The following WASHC4 variants were observed in gnomAD, a reference collection of about 807,000 sequenced individuals.
WASHC4 encodes WASH complex subunit 7.
A neutral mutation model predicts 166.6 loss-of-function variants in WASHC4; 86 were observed. The ratio of observed to expected loss-of-function variants is 0.52; its 90% CI spans 0.43 to 0.62. The LOEUF is 0.62. Ranked by LOEUF, WASHC4 falls within the 20% of genes least tolerant of loss-of-function variation. The probability of loss-of-function intolerance (pLI) is 0.00; values close to 1 mark genes in which losing one functional copy is unlikely to be tolerated. For missense variants in WASHC4, 1,262 were observed against 1,382.4 expected (o/e 0.91, Z 1.38); for synonymous variants, 446 against 451.6 (o/e 0.99, Z 0.16).
intron 12 of WASHC4, among the ~76,000 whole-genome samples, chr12:105,126,783 C>A (rs1418819065): frequency 6.6e-6 from 1 of 151,900 alleles, no homozygotes; most frequent in African/African-American, 2.4e-5. Context: ...GATAACCCAG[C>A]CAATTTTTTA....
intron 18 of WASHC4, among the ~76,000 whole-genome samples, chr12:105,142,030 TA>T (rs143083952): frequency 0.073 from 9,642 of 131,646 alleles, 446 homozygotes; most frequent in Middle Eastern, 0.17. Flanking sequence ...TTTTTTTTTT[TA>T]AAAGATTTTT....
Position 105,133,825 on chromosome 12 carries a change from A to G in WASHC4, c.1255A>G (p.Ile419Val), listed in dbSNP as rs373815418. 1.4e-5 allele frequency: 22 copies of G among 1,611,902 alleles called. No homozygotes were observed. Among genetic ancestry groups the G allele is most frequent in the East Asian group, 2.2e-5 (1 of 44,718 alleles). Residue 419 changes from isoleucine (I) to valine (V), a missense_variant, in exon 14 of 33, where the codon ATT becomes GTT. Transcript: ENST00000332180. ...CTCATGGATGATGAAAATGGAATCT[A>G]TTTTGTCTAAAGAGCAGAGAATGGA... Reference protein sequence around the residue: ...VSSWMMKMESILSKEQRMDKF... With the variant: ...VSSWMMKMESVLSKEQRMDKF...
chr12:105,131,148 G>A (rs1309132281), intron 13 of WASHC4, among the ~76,000 whole-genome samples: 2 of 150,460 alleles, frequency 1.3e-5, no homozygotes, highest in East Asian at 1.9e-4. Context: ...CTGCAGTGGC[G>A]CAATCTCGGC....
intron 23 of WASHC4, 121 bp downstream of exon 23, chr12:105,146,647 G>T: frequency 1.5e-6 from 1 of 668,544 alleles, no homozygotes; most frequent in Non-Finnish European, 2.7e-6. Context: ...TTGTTTTCGA[G>T]GCCTTGTTTA....
At chr12:105,144,540 A>G (rs1883139275) in intron 21 of WASHC4, 85 bp downstream of exon 21, 1 of 1,286,626 alleles carries the variant, frequency 7.8e-7, no homozygotes, top group South Asian at 1.3e-5. Flanking sequence ...TTGAGGGTAT[A>G]TTTAAATTTT....
intron 23 of WASHC4, 83 bp downstream of exon 23, chr12:105,146,609 G>A (rs542941236): frequency 1.3e-6 from 1 of 772,664 alleles, no homozygotes; most frequent in East Asian, 2.5e-5. Flanking sequence ...GATTTTTATG[G>A]GTGAAAATTA....
chr12:105,115,090 T>C, intron 4 of WASHC4, 94 bp from the exon 5 acceptor site: 1 of 666,730 alleles, frequency 1.5e-6, no homozygotes, highest in Non-Finnish European at 2.7e-6. Context: ...GATGTAGCCC[T>C]CTGTTTATTA....
Position 105,164,125 on chromosome 12 carries a change from C to T in WASHC4, c.3172C>T (p.Leu1058=). The stretch of plus-strand genomic sequence containing the variant: ...TATGCCTGCAGGTGTGGCTTACATT[C>T]TAAAGCTTTTGGATCAGTATCGGGA... ...DGFAMGVAYI[L]KLLDQYREFD... Residue 1058 remains leucine, a synonymous_variant, in exon 31 of 33, where the codon CTA becomes TTA. Transcript: ENST00000332180. 1.2e-6 allele frequency: 2 copies of T among 1,614,126 alleles called. No individual in the cohort carries two copies. The highest frequency in any genetic ancestry group is 2.2e-5 in the East Asian group (1 of 44,866).
intron 6 of WASHC4, among the ~76,000 whole-genome samples, chr12:105,116,355 A>T (rs1017821187): frequency 6.6e-6 from 1 of 152,180 alleles, no homozygotes; most frequent in Non-Finnish European, 1.5e-5. Flanking sequence ...ATGCTAACAT[A>T]CTGTTCAAAT....
In WASHC4 at chr12:105,115,165, A is replaced by T; in HGVS notation, c.322-19A>T. On this transcript the variant is annotated intron_variant, in intron 4 of 32. Coordinates refer to ENST00000332180, the MANE Select transcript of WASHC4 (RefSeq NM_015275.3). ...CAAAACAACCTTTAAAATTATTTTA[A>T]TTTTTTTCTTAAAAACAGGCTGAAA... is the stretch of plus-strand genomic sequence containing the variant. 7.4e-7 allele frequency: 1 copy of T among 1,342,568 alleles called. No individual in the cohort carries two copies. Among genetic ancestry groups the T allele is most frequent in the Non-Finnish European group, 1.1e-6 (1 of 935,434 alleles). 83.2% of individuals were successfully genotyped at this position (1,342,568 alleles called of 1,614,324 possible). A position where few individuals can be genotyped will look rare whatever the true frequency, so the allele number is the denominator to read the frequency against.
In WASHC4 at chr12:105,144,288, A is replaced by G. The variant is rs771843889; in HGVS notation, c.2012A>G (p.His671Arg). ...DKEIMEILNE[H>R]LLDKLCKEIE... Reference sequence around the variant, plus strand: ...AAGTATCAAATCTTTTGTGAATAGCATTTGCTGGACAAATTATGCAAAGAA... The same window carrying G: ...AAGTATCAAATCTTTTGTGAATAGCGTTTGCTGGACAAATTATGCAAAGAA... Residue 671 changes from histidine to arginine, a missense_variant and splice_region_variant, in exon 21 of 33, where the codon CAT becomes CGT. Coordinates refer to ENST00000332180, the MANE Select transcript of WASHC4 (RefSeq NM_015275.3). 1.9e-6 allele frequency: 3 copies of G among 1,611,332 alleles called. No individual in the cohort carries two copies. The highest frequency in any genetic ancestry group is 1.1e-5 in the South Asian group (1 of 90,732).
At chr12:105,123,442 A>G (rs1333552576) in intron 10 of WASHC4, among the ~76,000 whole-genome samples, 2 of 152,258 alleles carry the variant, frequency 1.3e-5, no homozygotes, top group Non-Finnish European at 2.9e-5. Context: ...GATGATAAGA[A>G]AGTGAAACAG....
At chr12:105,143,028 A>G (rs1358743151) in intron 19 of WASHC4, 99 bp from the exon 20 acceptor site, 11 of 754,776 alleles carry the variant, frequency 1.5e-5, no homozygotes, top group East Asian at 2.6e-5. Flanking sequence ...TTTCCTTCAG[A>G]TCGAGGTTTT....
chr12:105,165,507 G>A (rs555130799), intron 32 of WASHC4, among the ~76,000 whole-genome samples: 4 of 152,098 alleles, frequency 2.6e-5, no homozygotes, highest in South Asian at 4.2e-4. Flanking sequence ...TAGATACAGC[G>A]ACTAGTTAAC....
chr12:105,161,708 A>G (rs1884507240), intron 29 of WASHC4, among the ~76,000 whole-genome samples: 1 of 152,270 alleles, frequency 6.6e-6, no homozygotes, highest in Admixed American at 6.5e-5. Context: ...TTGATAAAAA[A>G]TTCACAAACA....
At chr12:105,143,384 C>T in intron 20 of WASHC4, 141 bp downstream of exon 20, 1 of 610,102 alleles carries the variant, frequency 1.6e-6, no homozygotes, top group Non-Finnish European at 3.0e-6. Context: ...TTTTTAGTTA[C>T]AATATCACTG....
intron 20 of WASHC4, 93 bp from the exon 21 acceptor site, chr12:105,144,194 C>T: frequency 9.5e-7 from 1 of 1,056,750 alleles, no homozygotes; most frequent in Non-Finnish European, 1.4e-6. Context: ...GACCAAAAAA[C>T]TATTGGTTTA....
intron 2 of WASHC4, among the ~76,000 whole-genome samples, chr12:105,112,198 G>A (rs1427528858): frequency 6.6e-6 from 1 of 152,058 alleles, no homozygotes; most frequent in Non-Finnish European, 1.5e-5. Context: ...TGTTTTCAAG[G>A]CTCATCTATG....
intron 2 of WASHC4, among the ~76,000 whole-genome samples, chr12:105,114,013 C>T (rs141724660): frequency 7.7e-4 from 117 of 152,028 alleles, no homozygotes; most frequent in African/African-American, 2.8e-3. Context: ...CAAGTAGAGT[C>T]GTGATTGTGT....
Sources: gnomAD v4.1 joint callset for allele counts (sites outside exome capture counted in the v4.1 genomes callset) on GRCh38, gnomAD v4.1.1 for gene constraint, MANE v1.5 for transcripts, NCBI Gene and HGNC (gene_info 2026-07-23, HGNC 2026-07-21) for gene names.